The following LRRC4C variants were observed in gnomAD, a reference collection of about 807,000 sequenced individuals.
LRRC4C encodes leucine rich repeat containing 4C.
In LRRC4C, 5 loss-of-function variants were observed where a neutral mutation model predicts 33.6. That is an observed-to-expected ratio of 0.15 (90% CI 0.08 to 0.31). The LOEUF (loss-of-function observed/expected upper bound fraction) is 0.31. Ranked by LOEUF, LRRC4C falls within the 10% of genes least tolerant of loss-of-function variation. LRRC4C has a pLI of 1.00. For synonymous variants in LRRC4C, 329 were observed against 302.0 expected (o/e 1.09, Z -0.93); for missense variants, 560 against 796.7 (o/e 0.70, Z 3.58).
At chr11:40,377,362 G>C (rs1948700626) in intron 3 of LRRC4C, among the ~76,000 whole-genome samples, 1 of 152,108 alleles carries the variant, frequency 6.6e-6, no homozygotes, top group Non-Finnish European at 1.5e-5. Context: ...TGAAGAAAAT[G>C]ATTATTAGCA....
intron 1 of LRRC4C, among the ~76,000 whole-genome samples, chr11:41,266,350 T>C (rs1201095359): frequency 6.6e-6 from 1 of 152,094 alleles, no homozygotes; most frequent in Non-Finnish European, 1.5e-5. Context: ...AATTTGAGAA[T>C]AAGAAAAACA....
intron 2 of LRRC4C, among the ~76,000 whole-genome samples, chr11:40,727,610 A>G (rs1229378149): frequency 6.6e-6 from 1 of 152,140 alleles, no homozygotes; most frequent in African/African-American, 2.4e-5. Context: ...CAACAGAGCA[A>G]ACCGACAGCA....
At chr11:40,610,419 T>C (rs1029652961) in intron 3 of LRRC4C, among the ~76,000 whole-genome samples, 3 of 151,664 alleles carry the variant, frequency 2.0e-5, no homozygotes, top group African/African-American at 7.3e-5. Context: ...TCATACTCAA[T>C]AGTATGAGGT....
chr11:41,299,100 A>G (rs1305527092), intron 1 of LRRC4C, among the ~76,000 whole-genome samples: 1 of 152,154 alleles, frequency 6.6e-6, no homozygotes, highest in Non-Finnish European at 1.5e-5. Flanking sequence ...TAGGAATGCC[A>G]GTGTCTTTTT....
intron 3 of LRRC4C, among the ~76,000 whole-genome samples, chr11:40,497,060 G>T (rs976101862): frequency 6.6e-6 from 1 of 152,074 alleles, no homozygotes; most frequent in African/African-American, 2.4e-5. Flanking sequence ...AATAGCAGGG[G>T]AGAATGGGAA....
At chr11:41,364,436 G>A (rs1455929236) in intron 1 of LRRC4C, among the ~76,000 whole-genome samples, 5 of 151,906 alleles carry the variant, frequency 3.3e-5, no homozygotes, top group Admixed American at 6.6e-5. Context: ...GCACCACCAC[G>A]CCCAGCTAAT....
chr11:40,739,064 T>C (rs1164212600), intron 2 of LRRC4C, among the ~76,000 whole-genome samples: 1 of 150,684 alleles, frequency 6.6e-6, no homozygotes, highest in African/African-American at 2.5e-5. Context: ...GTGAGAAGAT[T>C]TGAGATCTAC....
At chr11:40,592,379 G>A (rs1959099473) in intron 3 of LRRC4C, among the ~76,000 whole-genome samples, 2 of 152,140 alleles carry the variant, frequency 1.3e-5, no homozygotes, top group African/African-American at 4.8e-5. Context: ...CATTCCTGGA[G>A]TTTCTAATAA....
In LRRC4C at chr11:40,114,326, G is replaced by C. The variant is rs773729796; in HGVS notation, c.*44C>G. 6.6e-7 allele frequency: 1 copy of C among 1,510,724 alleles called. No homozygotes were observed. Among genetic ancestry groups the C allele is most frequent in the South Asian group, 1.4e-5 (1 of 72,702 alleles). 93.6% of individuals were successfully genotyped at this position (1,510,724 alleles called of 1,614,324 possible). On this transcript the variant is annotated 3_prime_UTR_variant, in exon 7 of 7. Coordinates refer to ENST00000528697, the MANE Select transcript of LRRC4C (RefSeq NM_001258419.2). ...TCATTTGTGTCATTTTTAATAAACT[G>C]TCTTTTTTTTTGATTGTTTGTTTTT...
chr11:40,947,485 T>G (rs1958457699), intron 1 of LRRC4C, among the ~76,000 whole-genome samples: 1 of 152,164 alleles, frequency 6.6e-6, no homozygotes, highest in South Asian at 2.1e-4. Context: ...TGCTACCTAT[T>G]ACCTAGTGAA....
At chr11:41,123,860 G>T (rs1942602230) in intron 1 of LRRC4C, among the ~76,000 whole-genome samples, 1 of 152,146 alleles carries the variant, frequency 6.6e-6, no homozygotes, top group Non-Finnish European at 1.5e-5. Context: ...CTCTTTTCCT[G>T]CTAATCATGC....
chr11:41,262,073 G>A (rs1237027330), intron 1 of LRRC4C, among the ~76,000 whole-genome samples: 1 of 152,060 alleles, frequency 6.6e-6, no homozygotes, highest in Non-Finnish European at 1.5e-5. Flanking sequence ...ATACACTTTA[G>A]AGAGTAGGAA....
Position 40,924,405 on chromosome 11 carries a change from G to T in LRRC4C, c.-407+9230C>A, listed in dbSNP as rs1254461887. On this transcript the variant is annotated intron_variant, in intron 2 of 6. Coordinates refer to ENST00000528697, the MANE Select transcript of LRRC4C (RefSeq NM_001258419.2). ...TAATTTTGGAAGAGAATGAAATGTA[G>T]CAAAAGCTAAAAAATACTGTATGCC... Among the ~76,000 whole-genome samples the T allele has an allele frequency of 3.3e-5, 5 of 151,424 alleles. No individual in the cohort carries two copies. In the East Asian group the frequency reaches 9.8e-4, roughly 30 times the overall value.
intron 2 of LRRC4C, among the ~76,000 whole-genome samples, chr11:40,778,534 CAAT>C (rs1950098892): frequency 6.6e-6 from 1 of 151,976 alleles, no homozygotes; most frequent in South Asian, 2.1e-4. Flanking sequence ...AATGAAAAAA[CAAT>C]AATAATTTGA....
intron 3 of LRRC4C, among the ~76,000 whole-genome samples, chr11:40,454,520 T>A (rs777809203): frequency 6.6e-6 from 1 of 152,156 alleles, no homozygotes; most frequent in Non-Finnish European, 1.5e-5. Context: ...CAAAGGGAGA[T>A]TTATCTGAAA....
In LRRC4C at chr11:40,699,361, C is replaced by T. The variant is rs370615875; in HGVS notation, c.-406-51083G>A. ...TGATTCAGCTCAGCACAAAAAATCC[C>T]TTCATTAATAGGTGTAGAAAGCCTA... On this transcript the variant is annotated intron_variant, in intron 2 of 6. Coordinates refer to ENST00000528697, the MANE Select transcript of LRRC4C (RefSeq NM_001258419.2). 2.6e-5 allele frequency among the ~76,000 whole-genome samples: 4 copies of T among 152,132 alleles called. No individual in the cohort carries two copies. The East Asian group carries it at 7.7e-4, about 29-fold the overall frequency.
intron 4 of LRRC4C, among the ~76,000 whole-genome samples, chr11:40,246,127 C>T (rs1024419312): frequency 9.2e-5 from 14 of 151,932 alleles, no homozygotes. Flanking sequence ...GTGTCCGCCA[C>T]CACACCTGGC....
At chr11:40,805,017 T>G (rs893557822) in intron 2 of LRRC4C, among the ~76,000 whole-genome samples, 21 of 152,188 alleles carry the variant, frequency 1.4e-4, no homozygotes, top group African/African-American at 5.1e-4. Flanking sequence ...TCTATAATGA[T>G]AATATTTTAA....
chr11:40,225,776 C>T (rs1864749215), intron 5 of LRRC4C, among the ~76,000 whole-genome samples: 1 of 152,052 alleles, frequency 6.6e-6, no homozygotes, highest in South Asian at 2.1e-4. Flanking sequence ...ACCACTACAC[C>T]CGGCTAATAT....
Sources: gnomAD v4.1 joint callset for allele counts (sites outside exome capture counted in the v4.1 genomes callset) on GRCh38, gnomAD v4.1.1 for gene constraint, MANE v1.5 for transcripts, NCBI Gene and HGNC (gene_info 2026-07-23, HGNC 2026-07-21) for gene names.